GABRB1: variants seen among roughly 807,000 people sequenced by gnomAD.
The protein encoded by GABRB1 is gamma-aminobutyric acid type A receptor subunit beta1.
Under a neutral mutation model 51.6 loss-of-function variants are expected in GABRB1, and 17 were observed. The observed-to-expected ratio is 0.33, with a 90% CI of 0.23 to 0.49. The LOEUF is 0.49. Ranked by LOEUF, GABRB1 falls within the 20% of genes least tolerant of loss-of-function variation. The pLI, the probability that GABRB1 is intolerant of heterozygous loss-of-function variation, is 0.99. For missense variants in GABRB1, 410 were observed against 600.6 expected (o/e 0.68, Z 3.32); for synonymous variants, 247 against 218.9 (o/e 1.13, Z -1.14).
chr4:47,033,234 G>GAC (rs1309951235), intron 3 of GABRB1, among the ~76,000 whole-genome samples: 2 of 152,182 alleles, frequency 1.3e-5, no homozygotes, highest in African/African-American at 4.8e-5. Context: ...GAGAGGGGGC[G>GAC]ACAGTAACAC....
chr4:47,399,267 A>T (rs1198058774), intron 5 of GABRB1, among the ~76,000 whole-genome samples: 1 of 152,216 alleles, frequency 6.6e-6, no homozygotes, highest in Non-Finnish European at 1.5e-5. Flanking sequence ...AGAATAAACC[A>T]TATTGATTAT....
intron 4 of GABRB1, among the ~76,000 whole-genome samples, chr4:47,185,694 A>C (rs1451164927): frequency 6.6e-6 from 1 of 151,894 alleles, no homozygotes; most frequent in African/African-American, 2.4e-5. Flanking sequence ...TCCTCATCTG[A>C]AGATGCTAAT....
At chr4:47,275,045 T>A (rs1723026955) in intron 4 of GABRB1, among the ~76,000 whole-genome samples, 1 of 152,214 alleles carries the variant, frequency 6.6e-6, no homozygotes, top group South Asian at 2.1e-4. Context: ...GACAGCTTTT[T>A]TCTCTGGATT....
chr4:47,182,406 G>C (rs1718988460), intron 4 of GABRB1, among the ~76,000 whole-genome samples: 1 of 151,972 alleles, frequency 6.6e-6, no homozygotes, highest in Non-Finnish European at 1.5e-5. Context: ...TTTAATTGAT[G>C]AGCAAATGAT....
At chr4:47,380,191 G>A (rs1330988453) in intron 5 of GABRB1, among the ~76,000 whole-genome samples, 2 of 152,050 alleles carry the variant, frequency 1.3e-5, no homozygotes, top group Admixed American at 6.5e-5. Context: ...CATATTACTT[G>A]CCTCAGAATT....
intron 3 of GABRB1, among the ~76,000 whole-genome samples, chr4:47,128,875 T>C (rs1716283772): frequency 6.6e-6 from 1 of 152,190 alleles, no homozygotes; most frequent in East Asian, 1.9e-4. Flanking sequence ...CTGAGCTTGA[T>C]TATATTGACT....
chr4:47,003,455 G>A (rs1400504015), intron 1 of GABRB1, among the ~76,000 whole-genome samples: 1 of 152,168 alleles, frequency 6.6e-6, no homozygotes, highest in African/African-American at 2.4e-5. Context: ...AATCCAGGAG[G>A]AAGTTCATTG....
intron 3 of GABRB1, among the ~76,000 whole-genome samples, chr4:47,069,960 A>G (rs1727250153): frequency 6.6e-6 from 1 of 151,924 alleles, no homozygotes; most frequent in Non-Finnish European, 1.5e-5. Flanking sequence ...TGCTACCCCT[A>G]ATGGTCATTC....
intron 3 of GABRB1, among the ~76,000 whole-genome samples, chr4:47,042,464 C>T (rs1725897771): frequency 7.0e-6 from 1 of 143,396 alleles, no homozygotes; most frequent in African/African-American, 2.5e-5. Flanking sequence ...AGTATGTGCA[C>T]AGTATATATA....
In GABRB1 at chr4:46,995,021, T is replaced by A. The variant is rs546068188; in HGVS notation, c.-20+1095T>A. Among the ~76,000 whole-genome samples, 4 of 152,334 alleles carry A rather than the reference T, an allele frequency of 2.6e-5. No homozygotes were observed. The East Asian group carries it at 7.7e-4, about 29-fold the overall frequency. On this transcript the variant is annotated intron_variant, in intron 1 of 3. Coordinates refer to the GABRB1 transcript ENST00000513567. ...TCTGTATTCTGTACTGCTTTCTTCA[T>A]GGAATTTGTTAACTTCATCCTAATC...
At chr4:47,049,551 A>G (rs1361143095) in intron 3 of GABRB1, among the ~76,000 whole-genome samples, 1 of 152,236 alleles carries the variant, frequency 6.6e-6, no homozygotes, top group African/African-American at 2.4e-5. Context: ...CAGGGAAATT[A>G]CATTATGAAA....
At chr4:47,032,116 A>ACT in intron 2 of GABRB1, 111 bp downstream of exon 2, 1 of 643,440 alleles carries the variant, frequency 1.6e-6, no homozygotes, top group Non-Finnish European at 2.6e-6. Context: ...GTAAGCGTGC[A>ACT]CTATACCCTG....
At chr4:47,116,434 G>A (rs1210307909) in intron 3 of GABRB1, among the ~76,000 whole-genome samples, 1 of 152,172 alleles carries the variant, frequency 6.6e-6, no homozygotes, top group Non-Finnish European at 1.5e-5. Flanking sequence ...TTCAAATGAT[G>A]TCTTTAGACA....
chr4:47,374,148 G>A (rs529367527), intron 5 of GABRB1, among the ~76,000 whole-genome samples: 6 of 152,308 alleles, frequency 3.9e-5, no homozygotes, highest in African/African-American at 7.2e-5. Flanking sequence ...TCTGGTTCCC[G>A]CAAGGTATAT....
At chr4:47,255,244 T>G (rs1309162098) in intron 4 of GABRB1, among the ~76,000 whole-genome samples, 1 of 152,254 alleles carries the variant, frequency 6.6e-6, no homozygotes, top group Non-Finnish European at 1.5e-5. Context: ...AGAGTTCACA[T>G]CATTAACTGT....
intron 8 of GABRB1, among the ~76,000 whole-genome samples, chr4:47,413,678 C>T (rs996828614): frequency 2.0e-5 from 3 of 152,194 alleles, no homozygotes; most frequent in African/African-American, 7.2e-5. Context: ...TTCACTGGAG[C>T]ATAGAGTGGC....
At chr4:47,294,773 C>G (rs187728235) in intron 4 of GABRB1, among the ~76,000 whole-genome samples, 3 of 152,370 alleles carry the variant, frequency 2.0e-5, no homozygotes, top group African/African-American at 7.2e-5. Context: ...CAGCACGCAG[C>G]TGCAGATCTG....
chr4:47,177,574 T>A (rs1718752575), intron 4 of GABRB1, among the ~76,000 whole-genome samples: 1 of 152,082 alleles, frequency 6.6e-6, no homozygotes, highest in Non-Finnish European at 1.5e-5. Flanking sequence ...GCTGCATAAC[T>A]ATTCAAAAAT....
At chr4:47,270,116 A>C (rs1166263734) in intron 4 of GABRB1, among the ~76,000 whole-genome samples, 3 of 152,194 alleles carry the variant, frequency 2.0e-5, no homozygotes, top group Admixed American at 6.6e-5. Context: ...TCTATCTTCC[A>C]AAACAGTGTT....
Sources: gnomAD v4.1 joint callset for allele counts (sites outside exome capture counted in the v4.1 genomes callset) on GRCh38, gnomAD v4.1.1 for gene constraint, MANE v1.5 for transcripts, NCBI Gene and HGNC (gene_info 2026-07-23, HGNC 2026-07-21) for gene names.